Variants in CAPN3 observed in about 807,000 individuals in gnomAD.
CAPN3 encodes the protein calpain-3.
In CAPN3, 88 loss-of-function variants were observed where a neutral mutation model predicts 114.0. The observed-to-expected ratio is 0.77, with a 90% CI of 0.65 to 0.92. The LOEUF is 0.92. Ranked by LOEUF, CAPN3 falls within the 40% of genes least tolerant of loss-of-function variation. The pLI is 0.00. For synonymous variants in CAPN3, 386 were observed against 382.9 expected, an observed-to-expected ratio of 1.01 and a Z score of -0.09; for missense variants, 1,028 against 1,069.0, an observed-to-expected ratio of 0.96 and a Z score of 0.53.
At chr15:42,407,298 C>T (rs28364519) in intron 15 of CAPN3, among the ~76,000 whole-genome samples, 10,476 of 152,098 alleles carry the variant, frequency 0.069, 1,139 homozygotes, top group African/African-American at 0.23. Context: ...CAGATTTTAC[C>T]ATTAAAGGAT....
Position 42,359,508 on chromosome 15 carries a change from T to C in CAPN3, c.-298T>C. The C allele has an allele frequency of 7.9e-7, 1 of 1,258,918 alleles. No individual in the cohort carries two copies. Among genetic ancestry groups the C allele is most frequent in the Non-Finnish European group, 1.0e-6 (1 of 994,758 alleles). The allele number at this position is 1,258,918 out of a possible 1,614,324, so 78.0% of individuals were successfully genotyped here. A position where few individuals can be genotyped will look rare whatever the true frequency, so the allele number is the denominator to read the frequency against. Reference sequence around the variant, plus strand: ...CACTGAAACACAACCCTCACTCTCTTTCTCTCTCCCTCTGGCATGCATGCT... The same window carrying C: ...CACTGAAACACAACCCTCACTCTCTCTCTCTCTCCCTCTGGCATGCATGCT... On this transcript the variant is annotated 5_prime_UTR_variant, in exon 1 of 24. Transcript: ENST00000397163.
chr15:42,404,463 C>T (rs1343641716), intron 14 of CAPN3: 4 of 456,422 alleles, frequency 8.8e-6, no homozygotes, highest in Non-Finnish European at 1.8e-5. Flanking sequence ...AGCAGAGGCT[C>T]AATGGGGTTG....
At position 42,411,275 on chromosome 15, in the gene CAPN3, A is replaced by G. The variant is rs73402734; in HGVS notation, c.2381-12A>G. 9.7e-4 allele frequency: 1,572 copies of G among 1,613,640 alleles called. 16 individuals are homozygous for G. The African/African-American group carries it at 0.018, about 19-fold the overall frequency. On this transcript the variant is annotated splice_polypyrimidine_tract_variant and intron_variant, in intron 22 of 23. Transcript: ENST00000397163. Reference sequence around the variant, plus strand: ...CCTGTAACTGGCCTCTGGCCTGTGCATTCTTTCACAGGAGCTTTTCATGCA... The same window carrying G: ...CCTGTAACTGGCCTCTGGCCTGTGCGTTCTTTCACAGGAGCTTTTCATGCA...
intron 1 of CAPN3, among the ~76,000 whole-genome samples, chr15:42,366,892 GTCTCC>G (rs980721056): frequency 7.1e-6 from 1 of 141,322 alleles, no homozygotes; most frequent in Admixed American, 7.5e-5. Context: ...GGAGTGCAGT[GTCTCC>G]AGCTCAGCTC....
chr15:42,406,093 C>G (rs28364510), intron 15 of CAPN3, 150 bp downstream of exon 15: 1 of 757,440 alleles, frequency 1.3e-6, no homozygotes, highest in Non-Finnish European at 2.4e-6. Flanking sequence ...TGGGGCCGAG[C>G]GTGCAGTAAT....
chr15:42,388,519 C>G (rs1224884702), intron 4 of CAPN3, among the ~76,000 whole-genome samples: 1 of 152,154 alleles, frequency 6.6e-6, no homozygotes, highest in Non-Finnish European at 1.5e-5. Flanking sequence ...GTTGCCCAGA[C>G]TGGTCTCGAA....
At chr15:42,362,158 A>G (rs2052662156) in intron 1 of CAPN3, among the ~76,000 whole-genome samples, 1 of 152,200 alleles carries the variant, frequency 6.6e-6, no homozygotes, top group African/African-American at 2.4e-5. Flanking sequence ...TCATGCCTGT[A>G]ATCCTAGCAC....
In CAPN3 at chr15:42,411,402, C is replaced by T. The variant is rs990458432; in HGVS notation, c.2439+57C>T. Reference sequence around the variant, plus strand: ...ACATTAAAACTCAAGGTGGAGGGGTCAACGGGGCGGACTGGACCCAGGGTG... The same window carrying T: ...ACATTAAAACTCAAGGTGGAGGGGTTAACGGGGCGGACTGGACCCAGGGTG... On this transcript the variant is annotated intron_variant, in intron 23 of 23. Transcript: ENST00000397163. 3.4e-6 allele frequency: 5 copies of T among 1,490,714 alleles called. No homozygotes were observed. The African/African-American group carries it at 6.9e-5, about 21-fold the overall frequency. The allele number at this position is 1,490,714 out of a possible 1,614,324, so 92.3% of individuals were successfully genotyped here.
intron 4 of CAPN3, among the ~76,000 whole-genome samples, 192 bp downstream of exon 4, chr15:42,388,078 T>C (rs2053451945): frequency 6.6e-6 from 1 of 152,184 alleles, no homozygotes; most frequent in African/African-American, 2.4e-5. Flanking sequence ...AACATTAAAT[T>C]TAAGAGTAGA....
chr15:42,391,644 C>G (rs2053559249), intron 6 of CAPN3, among the ~76,000 whole-genome samples: 1 of 152,206 alleles, frequency 6.6e-6, no homozygotes, highest in Non-Finnish European at 1.5e-5. Flanking sequence ...CATAGAGAGC[C>G]TATCCAGGGC....
At chr15:42,409,659 C>A in intron 17 of CAPN3, 128 bp from the exon 18 acceptor site, 1 of 945,040 alleles carries the variant, frequency 1.1e-6, no homozygotes. Flanking sequence ...AAAGCCCCAG[C>A]TTCCCATGAC....
chr15:42,401,095 C>T (rs1566980006), intron 10 of CAPN3, among the ~76,000 whole-genome samples: 2 of 151,536 alleles, frequency 1.3e-5, no homozygotes, highest in Admixed American at 1.3e-4. Context: ...TTGGGAGGCT[C>T]AGTCAGAAGA....
chr15:42,396,911 A>G, intron 9 of CAPN3, 34 bp downstream of exon 9: 1 of 1,487,748 alleles, frequency 6.7e-7, no homozygotes, highest in African/African-American at 1.4e-5. Flanking sequence ...CCAGAAGGGT[A>G]AGGGTGGGGA....
chr15:42,409,088 T>C (rs1299766990), intron 16 of CAPN3: 8 of 590,964 alleles, frequency 1.4e-5, no homozygotes, highest in Non-Finnish European at 2.1e-5. Context: ...CATATCTCCT[T>C]TGGCTGGGGG....
intron 7 of CAPN3, among the ~76,000 whole-genome samples, chr15:42,393,278 GTAT>G (rs1377294307): frequency 6.6e-6 from 1 of 152,012 alleles, no homozygotes; most frequent in African/African-American, 2.4e-5. Context: ...GGTTTTTTTG[GTAT>G]TATTTTCTGT....
intron 1 of CAPN3, among the ~76,000 whole-genome samples, chr15:42,380,751 A>ATTTTTTTTTTTT (rs59923448): frequency 1.6e-5 from 1 of 64,482 alleles, no homozygotes; most frequent in African/African-American, 9.0e-5. Context: ...ATATATATAT[A>ATTTTTTTTTTTT]TTTTTTTTTT....
At chr15:42,407,623 C>G (rs1174947080) in intron 15 of CAPN3, among the ~76,000 whole-genome samples, 2 of 152,046 alleles carry the variant, frequency 1.3e-5, no homozygotes, top group African/African-American at 4.8e-5. Flanking sequence ...GCCACCGTGC[C>G]CGGCCAGAGA....
chr15:42,400,857 CACTTGGTGATATG>C (rs1261281983), intron 10 of CAPN3, among the ~76,000 whole-genome samples: 3 of 151,866 alleles, frequency 2.0e-5, no homozygotes, highest in African/African-American at 7.3e-5. Context: ...TATTAGATGG[CACTTGGTGATATG>C]ATAAGAACTC....
At chr15:42,403,871 C>T (rs575021619) in intron 14 of CAPN3, 94 bp downstream of exon 14, 205 of 1,112,356 alleles carry the variant, frequency 1.8e-4, no homozygotes, top group Admixed American at 2.7e-4. Context: ...TGGGCACTGG[C>T]AGAGGGAATG....
Sources: gnomAD v4.1 joint callset for allele counts (sites outside exome capture counted in the v4.1 genomes callset) on GRCh38, gnomAD v4.1.1 for gene constraint, MANE v1.5 for transcripts, NCBI Gene and HGNC (gene_info 2026-07-23, HGNC 2026-07-21) for gene names.